The following CPOX variants were observed in gnomAD, a reference collection of about 807,000 sequenced individuals.
CPOX encodes the protein oxygen-dependent coproporphyrinogen-III oxidase, mitochondrial.
In CPOX, 24 loss-of-function variants were observed where a neutral mutation model predicts 48.9. That is an observed-to-expected ratio of 0.49 (90% CI 0.36 to 0.69). The LOEUF (loss-of-function observed/expected upper bound fraction) is 0.69. Ranked by LOEUF, CPOX falls within the 30% of genes least tolerant of loss-of-function variation. The probability of loss-of-function intolerance (pLI) is 0.00; values close to 1 mark genes in which losing one functional copy is unlikely to be tolerated. For missense variants in CPOX, 549 were observed against 597.3 expected (o/e 0.92, Z 0.84); for synonymous variants, 249 against 234.6 (o/e 1.06, Z -0.56).
the CPOX span, among the ~76,000 whole-genome samples, chr3:98,574,097 T>A: frequency 6.6e-6 from 1 of 152,152 alleles, no homozygotes; most frequent in Non-Finnish European, 1.5e-5. Context: ...TAGACTGAGC[T>A]CTCCTGAGTT....
At position 98,588,227 on chromosome 3, in the gene CPOX, TTTTG is replaced by T. The variant is rs10645692; in HGVS notation, c.953+482_953+485del. Among the ~76,000 whole-genome samples, 7 of 151,522 alleles carry T rather than the reference TTTTG, an allele frequency of 4.6e-5. No individual in the cohort carries two copies. In the South Asian group the frequency reaches 8.3e-4, roughly 18 times the overall value. ...CAAATATTCTGGGTCTTCTCCCAAC[TTTTG>T]TTTGTTTTCTTATTTTATCATTAGA... On this transcript the variant is annotated intron_variant, in intron 4 of 6. Coordinates refer to ENST00000647941, the MANE Select transcript of CPOX (RefSeq NM_000097.7).
rs114523993 is a variant in CPOX, at chr3:98,587,341, T to G, written c.953+1372A>C. Among the ~76,000 whole-genome samples, 676 of 152,154 alleles carry G rather than the reference T, an allele frequency of 4.4e-3. 5 individuals carry two copies. The highest frequency in any genetic ancestry group is 0.016 in the African/African-American group (651 of 41,494). ...AATCTCTCTTTAAAACATTACAAAA[T>G]TAAGTGATCTACTTATTTCCTAGTC... On this transcript the variant is annotated intron_variant, in intron 4 of 6. Coordinates refer to ENST00000647941, the MANE Select transcript of CPOX (RefSeq NM_000097.7).
In CPOX at chr3:98,579,708, C is replaced by G; in HGVS notation, c.*975G>C. The G allele has an allele frequency of 1.0e-6, 1 of 985,344 alleles. No individual in the cohort carries two copies. The highest frequency in any genetic ancestry group is 1.2e-6 in the Non-Finnish European group (1 of 829,782). The allele number at this position is 985,344 out of a possible 1,614,324, so 61.0% of individuals were successfully genotyped here. On this transcript the variant is annotated 3_prime_UTR_variant, in exon 7 of 7. Transcript: ENST00000647941. The stretch of plus-strand genomic sequence containing the variant: ...TTAAGAGCAAAGAGCTGCAGAATCT[C>G]TAATATAAAAAAGAGGACATTTTCA...
At chr3:98,591,259 T>C in intron 1 of CPOX, 104 bp from the exon 2 acceptor site, 1 of 1,194,664 alleles carries the variant, frequency 8.4e-7, no homozygotes, top group Non-Finnish European at 1.2e-6. Context: ...AAATCTTTTA[T>C]ATCAGTGTAT....
rs914328221 is a variant in CPOX, at chr3:98,579,564, G to A, written c.*1119C>T. 29 of 985,230 alleles carry A rather than the reference G, an allele frequency of 2.9e-5. No homozygotes were observed. The highest frequency in any genetic ancestry group is 9.4e-5 in the South Asian group (2 of 21,288). The allele number at this position is 985,230 out of a possible 1,614,324, so 61.0% of individuals were successfully genotyped here. A position where few individuals can be genotyped will look rare whatever the true frequency, so the allele number is the denominator to read the frequency against. On this transcript the variant is annotated 3_prime_UTR_variant, in exon 7 of 7. Transcript: ENST00000647941. ...ATCACAAACATTCAACGTGTTCCAC[G>A]ATAATGATATGTATGAGATGCTCTT...
intron 5 of CPOX, among the ~76,000 whole-genome samples, chr3:98,582,579 G>C (rs1250094136): frequency 6.6e-6 from 1 of 151,090 alleles, no homozygotes; most frequent in African/African-American, 2.4e-5. Flanking sequence ...TGCAAGCTCC[G>C]CCTCCGGGGT....
downstream of CPOX, among the ~76,000 whole-genome samples, chr3:98,575,104 A>G (rs111735739): frequency 2.7e-3 from 408 of 152,340 alleles, 1 homozygote; most frequent in African/African-American, 9.2e-3. Flanking sequence ...AAATTGCTAT[A>G]AAGACTTTTA....
the CPOX span, among the ~76,000 whole-genome samples, chr3:98,570,552 G>A: frequency 6.6e-6 from 1 of 151,986 alleles, no homozygotes; most frequent in Non-Finnish European, 1.5e-5. Flanking sequence ...TAAATACGTG[G>A]GAAAAATACT....
intron 2 of CPOX, 117 bp downstream of exon 2, chr3:98,590,895 G>A (rs915868450): frequency 3.9e-6 from 5 of 1,293,748 alleles, no homozygotes; most frequent in African/African-American, 1.5e-5. Context: ...TTGTCAACGT[G>A]CGGCATATGA....
chr3:98,586,335 C>G (rs115684089), intron 4 of CPOX, among the ~76,000 whole-genome samples: 178 of 152,260 alleles, frequency 1.2e-3, no homozygotes, highest in African/African-American at 4.2e-3. Context: ...TTGTAGGAGG[C>G]AGGAGGACAG....
In CPOX at chr3:98,579,961, T is replaced by G; in HGVS notation, c.*722A>C. On this transcript the variant is annotated 3_prime_UTR_variant, in exon 7 of 7. Coordinates refer to ENST00000647941, the MANE Select transcript of CPOX (RefSeq NM_000097.7). ...AATTCAGGGATATAAGCTTTCACAT[T>G]CAAAAGTGCAGAGAATCCCAACATT... 1.0e-6 allele frequency: 1 copy of G among 985,728 alleles called. No individual in the cohort carries two copies. Among genetic ancestry groups the G allele is most frequent in the African/African-American group, 1.7e-5 (1 of 57,340 alleles). 61.1% of individuals were successfully genotyped at this position (985,728 alleles called of 1,614,324 possible).
chr3:98,589,570 C>A (rs1466520727), intron 3 of CPOX: 1 of 148,686 alleles, frequency 6.7e-6, no homozygotes, highest in African/African-American at 2.4e-5. Context: ...TATAAAACTC[C>A]CCAGGAGATT....
At chr3:98,583,010 A>T (rs150169645) in intron 5 of CPOX, among the ~76,000 whole-genome samples, 1,986 of 152,310 alleles carry the variant, frequency 0.013, 33 homozygotes, top group African/African-American at 0.045. Context: ...AAATAATTTC[A>T]TCTTTTGGCT....
At chr3:98,572,228 G>A in the CPOX span, among the ~76,000 whole-genome samples, 1 of 152,088 alleles carries the variant, frequency 6.6e-6, no homozygotes, top group East Asian at 1.9e-4. Flanking sequence ...ATGTACTTTG[G>A]TCCATTGATA....
chr3:98,572,415 CTG>C, the CPOX span, among the ~76,000 whole-genome samples: 1 of 152,124 alleles, frequency 6.6e-6, no homozygotes, highest in African/African-American at 2.4e-5. Context: ...TTAAAGGTAT[CTG>C]TTTTTTATAG....
At chr3:98,575,078 C>T (rs1459779658), downstream of CPOX, among the ~76,000 whole-genome samples, 2 of 152,092 alleles carry the variant, frequency 1.3e-5, no homozygotes, top group African/African-American at 2.4e-5. Flanking sequence ...AATCTTGAAC[C>T]GATCTGAGCA....
At chr3:98,583,319 A>T (rs1259356117) in intron 5 of CPOX, among the ~76,000 whole-genome samples, 1 of 152,192 alleles carries the variant, frequency 6.6e-6, no homozygotes, top group African/African-American at 2.4e-5. Context: ...TAAAGTAGTT[A>T]ATTGCATTAA....
In CPOX at chr3:98,580,209, T is replaced by C. The variant is rs910253107; in HGVS notation, c.*474A>G. 4.0e-6 allele frequency: 4 copies of C among 995,770 alleles called. No homozygotes were observed. The African/African-American group carries it at 5.2e-5, about 13-fold the overall frequency. The allele number at this position is 995,770 out of a possible 1,614,324, so 61.7% of individuals were successfully genotyped here. On this transcript the variant is annotated 3_prime_UTR_variant, in exon 7 of 7. Transcript: ENST00000647941. ...AAGGATTACAGCAGAGACTTCAGTATTGACAAAGTAAAATTTTTACCTTCA... is the reference window on the plus strand; with the variant it reads ...AAGGATTACAGCAGAGACTTCAGTACTGACAAAGTAAAATTTTTACCTTCA...
intron 3 of CPOX, 120 bp downstream of exon 3, chr3:98,590,512 T>C (rs1707458018): frequency 2.5e-5 from 19 of 766,480 alleles, no homozygotes; most frequent in South Asian, 1.5e-4. Flanking sequence ...GCCTTTACAT[T>C]GCCTCCTGAA....
Sources: allele counts gnomAD v4.1 joint callset (sites outside exome capture counted in the v4.1 genomes callset), GRCh38; gene constraint gnomAD v4.1.1; transcripts MANE v1.5; gene names NCBI Gene and HGNC (gene_info 2026-07-23, HGNC 2026-07-21).